COP1: variants seen among roughly 807,000 people sequenced by gnomAD.
COP1 encodes the protein COP1 E3 ubiquitin ligase.
Under a neutral mutation model 101.3 loss-of-function variants are expected in COP1, and 24 were observed. The observed-to-expected ratio is 0.24, with a 90% CI of 0.17 to 0.33. The LOEUF (loss-of-function observed/expected upper bound fraction) is 0.33, where lower values mean the gene tolerates loss of function less well. COP1 is among the 10% of genes least tolerant of loss of function. COP1 has a pLI of 1.00. For synonymous variants in COP1, 347 were observed against 341.9 expected (o/e 1.01, Z -0.17); for missense variants, 663 against 906.2 (o/e 0.73, Z 3.45).
chr1:176,177,376 A>G (rs1040239855), intron 2 of COP1, among the ~76,000 whole-genome samples: 2 of 151,850 alleles, frequency 1.3e-5, no homozygotes, highest in African/African-American at 4.8e-5. Flanking sequence ...AAAGAAAAAA[A>G]TGTTATTATA....
At chr1:176,180,952 C>T (rs1697656326) in intron 2 of COP1, among the ~76,000 whole-genome samples, 1 of 152,174 alleles carries the variant, frequency 6.6e-6, no homozygotes, top group Non-Finnish European at 1.5e-5. Context: ...TTGTAACTAA[C>T]TTGTAATGAA....
rs541828911 is a variant in COP1 at position 176,032,965 on chromosome 1, T to C, written c.1613-5277A>G. On this transcript the variant is annotated intron_variant, in intron 14 of 19. Coordinates refer to ENST00000367669, the MANE Select transcript of COP1 (RefSeq NM_022457.7). ...TTGCCTCTAAAGTTATAAATTATAA[T>C]AACTGTTATCATAATGCTATTTATT... Among the ~76,000 whole-genome samples the C allele has an allele frequency of 8.5e-5, 13 of 152,324 alleles. 1 individual carries two copies. Among genetic ancestry groups the C allele is most frequent in the African/African-American group, 2.4e-4 (10 of 41,578 alleles).
At chr1:176,159,175 A>G (rs540779435) in intron 5 of COP1, among the ~76,000 whole-genome samples, 1 of 152,354 alleles carries the variant, frequency 6.6e-6, no homozygotes, top group African/African-American at 2.4e-5. Context: ...GTAGTAATAT[A>G]CAAAATACAA....
chr1:176,140,124 CTAA>C (rs1469458342), intron 6 of COP1, among the ~76,000 whole-genome samples: 4 of 152,104 alleles, frequency 2.6e-5, no homozygotes, highest in African/African-American at 9.7e-5. Context: ...ATATTAAACT[CTAA>C]TGTCTTCTCT....
chr1:176,033,618 T>G (rs1004888230), intron 14 of COP1, among the ~76,000 whole-genome samples: 2 of 152,114 alleles, frequency 1.3e-5, no homozygotes, highest in South Asian at 4.1e-4. Flanking sequence ...GAAAATATAT[T>G]TCTCCAAAAG....
intron 14 of COP1, among the ~76,000 whole-genome samples, chr1:176,034,238 A>G (rs1173888943): frequency 6.6e-6 from 1 of 152,172 alleles, no homozygotes; most frequent in Non-Finnish European, 1.5e-5. Context: ...CACCTCAAGC[A>G]ACAAACACTA....
At chr1:176,040,686 C>A (rs1670375300) in intron 14 of COP1, among the ~76,000 whole-genome samples, 3 of 152,102 alleles carry the variant, frequency 2.0e-5, no homozygotes, top group African/African-American at 7.2e-5. Flanking sequence ...ACTCTATGGC[C>A]CAAAACTTTT....
intron 1 of COP1, among the ~76,000 whole-genome samples, chr1:176,201,963 C>T (rs941428722): frequency 6.6e-6 from 1 of 152,100 alleles, no homozygotes; most frequent in Admixed American, 6.5e-5. Context: ...TTTAACAGCT[C>T]TTTAAATTAT....
At chr1:176,152,649 T>C (rs574073211) in intron 5 of COP1, among the ~76,000 whole-genome samples, 126 of 152,282 alleles carry the variant, frequency 8.3e-4, no homozygotes, top group African/African-American at 2.9e-3. Context: ...GGTTTCACCA[T>C]GTTGGCCAGG....
chr1:176,197,483 A>T (rs1290222129), intron 1 of COP1, among the ~76,000 whole-genome samples: 1 of 152,204 alleles, frequency 6.6e-6, no homozygotes, highest in Non-Finnish European at 1.5e-5. Context: ...TTGTACTTCT[A>T]GTCTCTAGAC....
chr1:176,088,828 T>A (rs1170465566), intron 9 of COP1, among the ~76,000 whole-genome samples: 1 of 151,886 alleles, frequency 6.6e-6, no homozygotes, highest in East Asian at 1.9e-4. Flanking sequence ...AAACCCCGTC[T>A]GTACTAAAAC....
chr1:176,044,558 G>A (rs770094827), intron 12 of COP1, among the ~76,000 whole-genome samples: 2 of 152,172 alleles, frequency 1.3e-5, no homozygotes, highest in Non-Finnish European at 2.9e-5. Flanking sequence ...CCAGAGACTG[G>A]AAGAGTTTAT....
intron 9 of COP1, among the ~76,000 whole-genome samples, chr1:176,099,859 G>A (rs7542188): frequency 0.01 from 1,546 of 152,224 alleles, 25 homozygotes; most frequent in African/African-American, 0.035. Flanking sequence ...ATTTTGAGAC[G>A]TTAAGAGAGC....
intron 15 of COP1, among the ~76,000 whole-genome samples, chr1:176,005,408 T>C (rs1157364761): frequency 6.6e-6 from 1 of 152,188 alleles, no homozygotes. Flanking sequence ...TGAATGTGTT[T>C]GGTCTTGCTT....
At chr1:176,136,623 A>G in intron 6 of COP1, 76 bp from the exon 7 acceptor site, 1 of 932,392 alleles carries the variant, frequency 1.1e-6, no homozygotes, top group Non-Finnish European at 1.6e-6. Flanking sequence ...CCATGATCAT[A>G]AAATAAATTT....
chr1:176,155,294 G>A (rs1353627431), intron 5 of COP1, among the ~76,000 whole-genome samples: 1 of 152,024 alleles, frequency 6.6e-6, no homozygotes, highest in Non-Finnish European at 1.5e-5. Context: ...AAAGGGGTCA[G>A]TCTCTCATCC....
chr1:176,133,176 ATACGTATATACG>A lies in COP1; in HGVS notation c.968+1822_968+1833del, dbSNP rs377683493. On this transcript the variant is annotated intron_variant, in intron 8 of 19. Transcript: ENST00000367669. ...TACATATATATACGTATGTACACAC[ATACGTATATACG>A]TACGTATATGTACGTATGTACACAC... 3.1e-5 allele frequency among the ~76,000 whole-genome samples: 4 copies of A among 130,338 alleles called. 1 individual carries two copies. In the East Asian group the frequency reaches 9.8e-4, roughly 32 times the overall value. 85.5% of individuals were successfully genotyped at this position (130,338 alleles called of 152,430 possible).
intron 3 of COP1, among the ~76,000 whole-genome samples, chr1:176,170,578 T>G (rs1427738421): frequency 6.6e-6 from 1 of 152,190 alleles, no homozygotes; most frequent in Non-Finnish European, 1.5e-5. Context: ...TCTTACGATA[T>G]TCAGTAAATC....
chr1:175,956,693 G>A (rs1329295510), intron 18 of COP1, among the ~76,000 whole-genome samples: 2 of 152,116 alleles, frequency 1.3e-5, no homozygotes, highest in East Asian at 3.8e-4. Context: ...GGTCAACGAT[G>A]GGTCACATAT....
Sources: gnomAD v4.1 joint callset for allele counts (sites outside exome capture counted in the v4.1 genomes callset) on GRCh38, gnomAD v4.1.1 for gene constraint, MANE v1.5 for transcripts, NCBI Gene and HGNC (gene_info 2026-07-23, HGNC 2026-07-21) for gene names.